The following CHCHD3 variants were observed in gnomAD, a reference collection of about 807,000 sequenced individuals.
CHCHD3 encodes the protein coiled-coil-helix-coiled-coil-helix domain containing 3.
CHCHD3 carries 20 observed loss-of-function variants against 38.2 expected under a neutral mutation model. The ratio of observed to expected loss-of-function variants is 0.52; its 90% CI spans 0.37 to 0.76. CHCHD3 has a LOEUF of 0.76. Among genes scored for constraint, CHCHD3 ranks in the 30% least tolerant of loss-of-function variants. CHCHD3 has a pLI of 0.00. For missense variants in CHCHD3, 245 were observed against 279.2 expected, an observed-to-expected ratio of 0.88 and a Z score of 0.87; for synonymous variants, 82 against 100.0, an observed-to-expected ratio of 0.82 and a Z score of 1.07.
intron 5 of CHCHD3, among the ~76,000 whole-genome samples, chr7:132,865,574 G>C (rs533672636): frequency 6.6e-6 from 1 of 152,126 alleles, no homozygotes; most frequent in Non-Finnish European, 1.5e-5. Context: ...TTTTGAGATC[G>C]TCATTACAGC....
At chr7:133,060,533 A>C (rs1261661478) in intron 2 of CHCHD3, among the ~76,000 whole-genome samples, 1 of 152,134 alleles carries the variant, frequency 6.6e-6, no homozygotes, top group Non-Finnish European at 1.5e-5. Flanking sequence ...TGCTAGACAA[A>C]AGGCAGGTAA....
chr7:132,902,837 T>TA (rs568935938), intron 4 of CHCHD3, among the ~76,000 whole-genome samples: 6 of 151,856 alleles, frequency 4.0e-5, no homozygotes, highest in Non-Finnish European at 8.8e-5. Context: ...TAAAAAATAA[T>TA]AAAAAAAGAC....
At chr7:133,050,340 TAAAAAAAAAAAAAAAAAAAA>T (rs35635002) in intron 2 of CHCHD3, among the ~76,000 whole-genome samples, 109 of 31,860 alleles carry the variant, frequency 3.4e-3, no homozygotes, top group African/African-American at 9.0e-3. Context: ...GGCTGTGTCT[TAAAAAAAAAAAAAAAAAAAA>T]AAAAAAAAAA....
chr7:133,010,433 T>C (rs1290365092), intron 3 of CHCHD3, among the ~76,000 whole-genome samples: 2 of 152,252 alleles, frequency 1.3e-5, no homozygotes, highest in African/African-American at 4.8e-5. Flanking sequence ...TATTGTCATA[T>C]GATGATTCTC....
At chr7:132,991,647 C>T (rs993815778) in intron 3 of CHCHD3, among the ~76,000 whole-genome samples, 1 of 152,180 alleles carries the variant, frequency 6.6e-6, no homozygotes, top group Non-Finnish European at 1.5e-5. Context: ...AACACTACTC[C>T]AGCAAACCCA....
At chr7:133,055,053 G>C (rs2117508036) in intron 2 of CHCHD3, among the ~76,000 whole-genome samples, 1 of 152,010 alleles carries the variant, frequency 6.6e-6, no homozygotes, top group Non-Finnish European at 1.5e-5. Context: ...GGCCTGGCAT[G>C]GTGGCACTCA....
chr7:133,048,184 G>A lies in CHCHD3; in HGVS notation c.169+21958C>T, dbSNP rs191030040. Among the ~76,000 whole-genome samples, 23 of 152,080 alleles carry A rather than the reference G, an allele frequency of 1.5e-4. No homozygotes were observed. In the East Asian group the frequency reaches 3.9e-3, roughly 26 times the overall value. ...CTACTCAGACAGAATCACTTACTTCGTGGAGACAGCCATGAGCTGTGGGGA... is the reference window on the plus strand; with the variant it reads ...CTACTCAGACAGAATCACTTACTTCATGGAGACAGCCATGAGCTGTGGGGA... On this transcript the variant is annotated intron_variant, in intron 2 of 7. Coordinates refer to ENST00000262570, the MANE Select transcript of CHCHD3 (RefSeq NM_017812.4).
At position 132,893,606 on chromosome 7, in the gene CHCHD3, T is replaced by C. The variant is rs116316766; in HGVS notation, c.370-7861A>G. Among the ~76,000 whole-genome samples, 1,101 of 152,340 alleles carry C rather than the reference T, an allele frequency of 7.2e-3. 18 individuals carry two copies. The highest frequency in any genetic ancestry group is 0.025 in the African/African-American group (1,038 of 41,588). On this transcript the variant is annotated intron_variant, in intron 4 of 7. Coordinates refer to ENST00000262570, the MANE Select transcript of CHCHD3 (RefSeq NM_017812.4). ...ATGACATGGTTTGGCTCTGTGTCCCTACCCAAATTTCATCTCAAACTGTAA... is the reference window on the plus strand; with the variant it reads ...ATGACATGGTTTGGCTCTGTGTCCCCACCCAAATTTCATCTCAAACTGTAA...
intron 2 of CHCHD3, among the ~76,000 whole-genome samples, chr7:133,039,553 T>C (rs1267653168): frequency 2.6e-5 from 4 of 152,230 alleles, no homozygotes; most frequent in African/African-American, 7.2e-5. Context: ...CCAGCATAAC[T>C]CAGCTCTATA....
At chr7:132,955,544 T>G (rs914318872) in intron 4 of CHCHD3, among the ~76,000 whole-genome samples, 9 of 147,834 alleles carry the variant, frequency 6.1e-5, no homozygotes, top group African/African-American at 9.9e-5. Flanking sequence ...GGTTTTTTGT[T>G]TTTTTTTTTT....
At chr7:132,972,562 C>T in intron 4 of CHCHD3, 1 of 982,826 alleles carries the variant, frequency 1.0e-6, no homozygotes. Context: ...TAATAAATAA[C>T]AACAATAAAG....
At chr7:132,819,011 A>C (rs1446374823) in intron 6 of CHCHD3, among the ~76,000 whole-genome samples, 1 of 152,258 alleles carries the variant, frequency 6.6e-6, no homozygotes, top group African/African-American at 2.4e-5. Flanking sequence ...CCATTAGGCC[A>C]GACACAGAGA....
chr7:132,869,071 G>A (rs1195792074), intron 5 of CHCHD3, among the ~76,000 whole-genome samples: 2 of 152,158 alleles, frequency 1.3e-5, no homozygotes, highest in African/African-American at 4.8e-5. Context: ...GATATCCTAA[G>A]TCAGACACTT....
chr7:133,074,347 G>A (rs547509880), intron 1 of CHCHD3, among the ~76,000 whole-genome samples: 17 of 152,240 alleles, frequency 1.1e-4, no homozygotes, highest in South Asian at 6.2e-4. Flanking sequence ...TGTGCTCTTT[G>A]AAGGAAAAAA....
chr7:132,996,460 G>A (rs1055833223), intron 3 of CHCHD3, among the ~76,000 whole-genome samples: 1 of 152,144 alleles, frequency 6.6e-6, no homozygotes, highest in African/African-American at 2.4e-5. Flanking sequence ...ATTACATTCC[G>A]TGAAGAAGCA....
chr7:132,806,676 G>A (rs968617270), intron 6 of CHCHD3, among the ~76,000 whole-genome samples: 1 of 151,906 alleles, frequency 6.6e-6, no homozygotes, highest in African/African-American at 2.4e-5. Context: ...TGGAGGCAGT[G>A]ACATCTCTAA....
chr7:132,941,851 A>T (rs1810773796), intron 4 of CHCHD3, among the ~76,000 whole-genome samples: 2 of 152,200 alleles, frequency 1.3e-5, no homozygotes, highest in African/African-American at 4.8e-5. Context: ...GCCAGTCCTG[A>T]TTAACATTGT....
At chr7:132,973,639 C>G (rs996671694) in intron 4 of CHCHD3, 2 of 1,018,450 alleles carry the variant, frequency 2.0e-6, no homozygotes, top group African/African-American at 3.4e-5. Context: ...TCACTATTTG[C>G]CCATGCAACC....
chr7:132,796,598 C>T (rs1178798627), intron 6 of CHCHD3, 21 bp from the exon 7 acceptor site: 33 of 1,611,620 alleles, frequency 2.0e-5, no homozygotes, highest in Admixed American at 6.7e-5. Context: ...ACACAGGGAC[C>T]GCTGAGACCA....
Sources: gnomAD v4.1 joint callset for allele counts (sites outside exome capture counted in the v4.1 genomes callset) on GRCh38, gnomAD v4.1.1 for gene constraint, MANE v1.5 for transcripts, NCBI Gene and HGNC (gene_info 2026-07-23, HGNC 2026-07-21) for gene names.